The following FAM200B variants were observed in gnomAD, a reference collection of about 807,000 sequenced individuals.
FAM200B encodes the protein zinc finger BED-type containing 11, also known as protein FAM200B.
In FAM200B, 32 loss-of-function variants were observed where a neutral mutation model predicts 33.1. The ratio of observed to expected loss-of-function variants is 0.97; its 90% CI spans 0.73 to 1.30. The LOEUF (loss-of-function observed/expected upper bound fraction) is 1.30. Ranked by LOEUF, FAM200B falls within the 50% of genes most tolerant of loss-of-function variation. The pLI, the probability that FAM200B is intolerant of heterozygous loss-of-function variation, is 0.00. For missense variants in FAM200B, 741 were observed against 754.0 expected (o/e 0.98, Z 0.20); for synonymous variants, 240 against 264.8 (o/e 0.91, Z 0.91).
the FAM200B span, chr4:15,641,621 T>TA: frequency 2.2e-6 from 1 of 455,644 alleles, no homozygotes. Flanking sequence ...CAGTCAACAG[T>TA]AGTAGGCTGT....
chr4:15,655,510 C>A, the FAM200B span: 1 of 373,744 alleles, frequency 2.7e-6, no homozygotes, highest in African/African-American at 2.2e-5. Context: ...CGGCTTCTGC[C>A]TCCCGCCCCC....
In FAM200B at chr4:15,686,965, A is replaced by T; in HGVS notation, c.-13A>T. 7.8e-7 allele frequency: 1 copy of T among 1,284,180 alleles called. No individual in the cohort carries two copies. Among genetic ancestry groups the T allele is most frequent in the African/African-American group, 1.5e-5 (1 of 65,862 alleles). 79.5% of individuals were successfully genotyped at this position (1,284,180 alleles called of 1,614,324 possible). ...ATAACATTTTAATCAAACTGGAACA[A>T]ATTGCTATTAAAATGGATCATTTCT... On this transcript the variant is annotated 5_prime_UTR_variant, in exon 2 of 2. Transcript: ENST00000422728.
the FAM200B span, among the ~76,000 whole-genome samples, chr4:15,672,336 T>A: frequency 6.6e-6 from 1 of 152,218 alleles, no homozygotes; most frequent in African/African-American, 2.4e-5. Context: ...ATGTGTTGCT[T>A]AATGACAGAG....
At chr4:15,639,672 A>G in the FAM200B span, among the ~76,000 whole-genome samples, 1 of 152,224 alleles carries the variant, frequency 6.6e-6, no homozygotes, top group Non-Finnish European at 1.5e-5. Flanking sequence ...GTCAGTCTAG[A>G]AATTCAGTGG....
At chr4:15,641,317 C>T in the FAM200B span, among the ~76,000 whole-genome samples, 6 of 152,038 alleles carry the variant, frequency 3.9e-5, no homozygotes, top group South Asian at 2.1e-4. Flanking sequence ...TTGAACTGTG[C>T]GGGTTCACTT....
At chr4:15,669,093 A>C in the FAM200B span, among the ~76,000 whole-genome samples, 1 of 152,232 alleles carries the variant, frequency 6.6e-6, no homozygotes, top group African/African-American at 2.4e-5. Flanking sequence ...ACACAACTGA[A>C]TTAGATATAT....
At chr4:15,670,390 T>C in the FAM200B span, among the ~76,000 whole-genome samples, 52 of 152,362 alleles carry the variant, frequency 3.4e-4, no homozygotes, top group East Asian at 0.01. Context: ...CTTGGCAGTA[T>C]TCTTTGCTCT....
At chr4:15,675,906 C>T in the FAM200B span, among the ~76,000 whole-genome samples, 7 of 152,118 alleles carry the variant, frequency 4.6e-5, no homozygotes, top group African/African-American at 1.7e-4. Flanking sequence ...TAGTTGAATA[C>T]GCAGAAATGC....
chr4:15,641,590 TTA>T, the FAM200B span: 9 of 458,244 alleles, frequency 2.0e-5, no homozygotes, highest in South Asian at 1.1e-4. Context: ...TTCGATTGTT[TTA>T]TGTTATTGGT....
At position 15,689,112 on chromosome 4, in the gene FAM200B, A is replaced by T; in HGVS notation, c.*161A>T. ...TTTATGTTCATTGAACAAAAATTTAATGAATTTCTGTTAGAGGCCAGGAAC... is the reference window on the plus strand; with the variant it reads ...TTTATGTTCATTGAACAAAAATTTATTGAATTTCTGTTAGAGGCCAGGAAC... On this transcript the variant is annotated 3_prime_UTR_variant, in exon 2 of 2. Coordinates refer to ENST00000422728, the MANE Select transcript of FAM200B (RefSeq NM_001145191.2). 1.8e-6 allele frequency: 1 copy of T among 557,240 alleles called. No individual in the cohort carries two copies. The highest frequency in any genetic ancestry group is 2.8e-6 in the Non-Finnish European group (1 of 353,842). 34.5% of individuals were successfully genotyped at this position (557,240 alleles called of 1,614,324 possible).
the FAM200B span, among the ~76,000 whole-genome samples, chr4:15,643,465 A>G: frequency 6.6e-6 from 1 of 152,334 alleles, no homozygotes; most frequent in East Asian, 1.9e-4. Context: ...CATTATCCTA[A>G]ACTATACCCA....
At chr4:15,642,243 CT>C in the FAM200B span, among the ~76,000 whole-genome samples, 36,500 of 141,546 alleles carry the variant, frequency 0.26, 4,562 homozygotes, top group African/African-American at 0.29. Context: ...ATAATGAAAA[CT>C]TTTTTTTTTT....
At chr4:15,659,597 A>G in the FAM200B span, 8 of 249,448 alleles carry the variant, frequency 3.2e-5, no homozygotes, top group Non-Finnish European at 5.1e-5. Context: ...TTTAGATAAT[A>G]CTAAAATCAT....
At chr4:15,640,506 A>C in the FAM200B span, among the ~76,000 whole-genome samples, 1 of 152,034 alleles carries the variant, frequency 6.6e-6, no homozygotes, top group African/African-American at 2.4e-5. Flanking sequence ...GGGTAGCATA[A>C]GTTATTAATA....
At chr4:15,655,843 G>A in the FAM200B span, among the ~76,000 whole-genome samples, 3 of 152,198 alleles carry the variant, frequency 2.0e-5, no homozygotes, top group African/African-American at 7.2e-5. Context: ...TTTTTCCTGG[G>A]GCCGAGCGCA....
chr4:15,653,439 GTAAAT>G, the FAM200B span, among the ~76,000 whole-genome samples: 1 of 152,170 alleles, frequency 6.6e-6, no homozygotes, highest in African/African-American at 2.4e-5. Flanking sequence ...TAGTCTGCAA[GTAAAT>G]TAAATTGTGA....
At chr4:15,676,782 A>T (rs1181700870), upstream of FAM200B, among the ~76,000 whole-genome samples, 1 of 152,152 alleles carries the variant, frequency 6.6e-6, no homozygotes, top group African/African-American at 2.4e-5. Flanking sequence ...TGTATATTTG[A>T]ACACTTTCAG....
chr4:15,684,143 T>G (rs1325215069), intron 1 of FAM200B, among the ~76,000 whole-genome samples: 3 of 152,214 alleles, frequency 2.0e-5, no homozygotes, highest in Non-Finnish European at 4.4e-5. Flanking sequence ...TGCACACATC[T>G]TAAGCATCAG....
the FAM200B span, among the ~76,000 whole-genome samples, chr4:15,660,101 G>A: frequency 1.3e-5 from 2 of 148,838 alleles, no homozygotes; most frequent in African/African-American, 5.0e-5. Context: ...TTTTTTTAAA[G>A]AGGGTTTCAC....
Sources: allele counts gnomAD v4.1 joint callset (sites outside exome capture counted in the v4.1 genomes callset), GRCh38; gene constraint gnomAD v4.1.1; transcripts MANE v1.5; gene names NCBI Gene and HGNC (gene_info 2026-07-23, HGNC 2026-07-21).